SDK1: variants seen among roughly 807,000 people sequenced by gnomAD.
SDK1 encodes the protein sidekick cell adhesion molecule 1, also known as protein sidekick-1.
SDK1 carries 157 observed loss-of-function variants against 245.5 expected under a neutral mutation model. That is an observed-to-expected ratio of 0.64 (90% CI 0.56 to 0.73). The LOEUF is 0.73. SDK1 is among the 30% of genes least tolerant of loss of function. The pLI, the probability that SDK1 is intolerant of heterozygous loss-of-function variation, is 0.00. For synonymous variants in SDK1, 1,647 were observed against 1,278.5 expected, an observed-to-expected ratio of 1.29 and a Z score of -6.15; for missense variants, 3,583 against 3,002.3, an observed-to-expected ratio of 1.19 and a Z score of -4.52.
intron 1 of SDK1, among the ~76,000 whole-genome samples, chr7:3,616,124 A>G (rs1336529265): frequency 6.6e-6 from 1 of 152,162 alleles, no homozygotes; most frequent in Non-Finnish European, 1.5e-5. Flanking sequence ...GAGCTCAAGC[A>G]ATCCTTCCGC....
intron 1 of SDK1, among the ~76,000 whole-genome samples, chr7:3,613,788 C>T (rs1264564337): frequency 1.3e-5 from 2 of 151,768 alleles, no homozygotes; most frequent in Non-Finnish European, 2.9e-5. Context: ...TGGAATACTA[C>T]GCAGCCATAA....
chr7:4,067,120 C>T (rs536559524), intron 19 of SDK1, among the ~76,000 whole-genome samples: 1 of 152,252 alleles, frequency 6.6e-6, no homozygotes, highest in East Asian at 1.9e-4. Flanking sequence ...TTTTTATTTT[C>T]CCTGCTTCAC....
chr7:3,443,655 AT>A (rs1442127716), intron 1 of SDK1, among the ~76,000 whole-genome samples: 1 of 152,158 alleles, frequency 6.6e-6, no homozygotes, highest in Non-Finnish European at 1.5e-5. Flanking sequence ...TGCTGGTTTG[AT>A]TTGTGCTTAC....
chr7:4,060,685 C>T (rs1583982150), intron 19 of SDK1, among the ~76,000 whole-genome samples: 1 of 152,112 alleles, frequency 6.6e-6, no homozygotes, highest in East Asian at 1.9e-4. Context: ...GTTGCCATTG[C>T]TTTTGGTGTT....
chr7:3,777,512 C>T (rs1165215151), intron 4 of SDK1, among the ~76,000 whole-genome samples: 1 of 152,144 alleles, frequency 6.6e-6, no homozygotes, highest in East Asian at 1.9e-4. Flanking sequence ...GAACCAGAAC[C>T]CAGGCCTGTG....
chr7:3,436,252 C>T (rs1047830044), intron 1 of SDK1, among the ~76,000 whole-genome samples: 2 of 151,498 alleles, frequency 1.3e-5, no homozygotes, highest in Non-Finnish European at 2.9e-5. Flanking sequence ...TTATGGCTGA[C>T]TTTAGAAAAC....
At chr7:3,552,654 T>C (rs1779454835) in intron 1 of SDK1, among the ~76,000 whole-genome samples, 1 of 152,260 alleles carries the variant, frequency 6.6e-6, no homozygotes, top group Non-Finnish European at 1.5e-5. Flanking sequence ...CAGAGTAAGA[T>C]CTTACCTTAT....
At chr7:4,094,067 C>CT (rs893041154) in intron 22 of SDK1, among the ~76,000 whole-genome samples, 5 of 151,792 alleles carry the variant, frequency 3.3e-5, no homozygotes, top group Admixed American at 1.3e-4. Flanking sequence ...GTGTTTTTTG[C>CT]TTTTTTTGAG....
At chr7:4,102,496 C>A (rs907042252) in intron 22 of SDK1, among the ~76,000 whole-genome samples, 2 of 152,218 alleles carry the variant, frequency 1.3e-5, no homozygotes, top group Admixed American at 1.3e-4. Flanking sequence ...GGGCCACCTC[C>A]TCACGTCCCT....
intron 1 of SDK1, among the ~76,000 whole-genome samples, chr7:3,530,991 G>T (rs946652344): frequency 1.3e-5 from 2 of 152,210 alleles, no homozygotes; most frequent in Admixed American, 1.3e-4. Context: ...ATTTGGAAAT[G>T]ATGTGGCTTG....
At chr7:3,987,408 C>G in intron 14 of SDK1, 86 bp downstream of exon 14, 1 of 1,409,530 alleles carries the variant, frequency 7.1e-7, no homozygotes, top group Non-Finnish European at 9.9e-7. Context: ...ACTTCTGGGT[C>G]AGACCCAAAA....
intron 38 of SDK1, among the ~76,000 whole-genome samples, chr7:4,214,451 G>A (rs1350012284): frequency 6.6e-6 from 1 of 152,216 alleles, no homozygotes; most frequent in Non-Finnish European, 1.5e-5. Flanking sequence ...CTGTTGCGAA[G>A]GGCTGGTTCC....
intron 1 of SDK1, among the ~76,000 whole-genome samples, chr7:3,517,221 C>T (rs1782782195): frequency 6.6e-6 from 1 of 152,094 alleles, no homozygotes; most frequent in Non-Finnish European, 1.5e-5. Context: ...TAAGAGTGCC[C>T]AGTAATTCAC....
Position 4,266,889 on chromosome 7 carries a change from G to T in SDK1, c.*1505G>T. On this transcript the variant is annotated 3_prime_UTR_variant, in exon 45 of 45. Transcript: ENST00000404826. ...GTGCCCCCCAGTGCACGGCAAACGG[G>T]CAGGTGCCGTTCCCCCAGTGACCTG... 3.0e-6 allele frequency: 3 copies of T among 985,510 alleles called. No homozygotes were observed. Among genetic ancestry groups the T allele is most frequent in the Non-Finnish European group, 3.6e-6 (3 of 829,992 alleles). The allele number at this position is 985,510 out of a possible 1,614,324, so 61.0% of individuals were successfully genotyped here.
chr7:3,721,412 C>A (rs1483899770), intron 4 of SDK1, among the ~76,000 whole-genome samples: 2 of 152,150 alleles, frequency 1.3e-5, no homozygotes, highest in Non-Finnish European at 2.9e-5. Context: ...CTGTACATTT[C>A]TTTGAACTCC....
At chr7:3,334,767 C>T (rs778787833) in intron 1 of SDK1, among the ~76,000 whole-genome samples, 8 of 152,144 alleles carry the variant, frequency 5.3e-5, no homozygotes, top group Non-Finnish European at 1.2e-4. Flanking sequence ...CTTAGTTTAT[C>T]TCTAGCTTCA....
intron 2 of SDK1, among the ~76,000 whole-genome samples, chr7:3,628,041 C>A (rs1021457270): frequency 7.2e-5 from 11 of 152,142 alleles, no homozygotes; most frequent in African/African-American, 2.7e-4. Context: ...ACTTGCAGCT[C>A]CGTCTGCTTG....
At chr7:3,594,601 G>A (rs59465686) in intron 1 of SDK1, among the ~76,000 whole-genome samples, 17,002 of 152,100 alleles carry the variant, frequency 0.11, 1,517 homozygotes, top group East Asian at 0.35. Context: ...GCCAACACTT[G>A]TAATTGTTTG....
At position 3,780,926 on chromosome 7, in the gene SDK1, G is replaced by A. The variant is rs10275943; in HGVS notation, c.714-40524G>A. Among the ~76,000 whole-genome samples the A allele has an allele frequency of 5.6e-3, 856 of 152,192 alleles. 9 individuals are homozygous for A. The highest frequency in any genetic ancestry group is 0.02 in the African/African-American group (812 of 41,518). On this transcript the variant is annotated intron_variant, in intron 4 of 44. Transcript: ENST00000404826. The stretch of plus-strand genomic sequence containing the variant: ...AGATCAGCTTTACCTAGGAAGGCAA[G>A]CAGTAGTTCCACTCAGCCCAAAAGC...
Sources: gnomAD v4.1 joint callset for allele counts (sites outside exome capture counted in the v4.1 genomes callset) on GRCh38, gnomAD v4.1.1 for gene constraint, MANE v1.5 for transcripts, NCBI Gene and HGNC (gene_info 2026-07-23, HGNC 2026-07-21) for gene names.